PID1: variants seen among roughly 807,000 people sequenced by gnomAD.
PID1 encodes PTB-containing, cubilin and LRP1-interacting protein.
A neutral mutation model predicts 19.1 loss-of-function variants in PID1; 10 were observed. That is an observed-to-expected ratio of 0.52 (90% confidence interval 0.32 to 0.89). PID1 has a LOEUF of 0.89. Among genes scored for constraint, PID1 ranks in the 40% least tolerant of loss-of-function variants. The probability of loss-of-function intolerance (pLI) is 0.03; values close to 1 mark genes in which losing one functional copy is unlikely to be tolerated. For missense variants in PID1, 248 were observed against 285.3 expected, an observed-to-expected ratio of 0.87 and a Z score of 0.94; for synonymous variants, 130 against 116.0, an observed-to-expected ratio of 1.12 and a Z score of -0.78.
At position 229,262,644 on chromosome 2, in the gene PID1, A is replaced by T. The variant is rs778775772; in HGVS notation, c.30+8370T>A. ...AGGGCTGTTGTAACAAATAACCATA[A>T]ACTGGGTAGCTTAAAACAACAGAAA... On this transcript the variant is annotated intron_variant, in intron 1 of 2. Transcript: ENST00000392055. 4.1e-5 allele frequency: 64 copies of T among 1,547,504 alleles called. No homozygotes were observed. The Middle Eastern group carries it at 6.7e-4, about 16-fold the overall frequency.
chr2:229,031,465 A>G (rs1253149707), intron 2 of PID1, among the ~76,000 whole-genome samples: 1 of 151,858 alleles, frequency 6.6e-6, no homozygotes, highest in Non-Finnish European at 1.5e-5. Flanking sequence ...GCTGAGCAGG[A>G]GAACTGCTTG....
At chr2:229,217,854 T>G (rs955703011) in intron 1 of PID1, among the ~76,000 whole-genome samples, 9 of 152,124 alleles carry the variant, frequency 5.9e-5, no homozygotes, top group Admixed American at 3.3e-4. Flanking sequence ...TGCTTAATCT[T>G]CTCCTCACGC....
intron 2 of PID1, among the ~76,000 whole-genome samples, chr2:229,111,091 G>A (rs949264124): frequency 6.6e-6 from 1 of 152,174 alleles, no homozygotes; most frequent in Admixed American, 6.5e-5. Flanking sequence ...CTTATCTGCT[G>A]CCATGGAAGA....
At chr2:229,232,538 C>T (rs1307495383) in intron 1 of PID1, among the ~76,000 whole-genome samples, 1 of 150,330 alleles carries the variant, frequency 6.7e-6, no homozygotes, top group Non-Finnish European at 1.5e-5. Flanking sequence ...TATAGCACTC[C>T]TCAACCACGT....
At position 229,164,303 on chromosome 2, in the gene PID1, T is replaced by TG. The variant is rs529689892; in HGVS notation, c.31-8340dup. On this transcript the variant is annotated intron_variant, in intron 1 of 2. Transcript: ENST00000392055. ...ACAGAACAAAAATTTCACCTACTCA[T>TG]GAAAAAAAAAAAATTCAAGTATAGC... Among the ~76,000 whole-genome samples, 17 of 150,126 alleles carry TG rather than the reference T, an allele frequency of 1.1e-4. No individual in the cohort carries two copies. In the East Asian group the frequency reaches 2.5e-3, roughly 22 times the overall value.
At chr2:229,256,423 A>C (rs1256533688) in intron 1 of PID1, among the ~76,000 whole-genome samples, 3 of 152,200 alleles carry the variant, frequency 2.0e-5, no homozygotes, top group Non-Finnish European at 4.4e-5. Context: ...CAGTTTGTCA[A>C]CCTAAAGGAG....
intron 2 of PID1, among the ~76,000 whole-genome samples, chr2:229,145,147 A>ATG (rs560967818): frequency 1.7e-5 from 2 of 116,654 alleles, no homozygotes; most frequent in African/African-American, 3.2e-5. Context: ...GTTTAAATAT[A>ATG]TGTATGTGTA....
intron 2 of PID1, among the ~76,000 whole-genome samples, chr2:229,150,229 CAAA>C (rs11309150): frequency 3.1e-4 from 38 of 122,988 alleles, no homozygotes; most frequent in Admixed American, 4.1e-4. Context: ...GAGTGAGACT[CAAA>C]AAAAAAAAAA....
intron 2 of PID1, among the ~76,000 whole-genome samples, chr2:229,135,668 C>A (rs186730007): frequency 8.5e-5 from 13 of 152,242 alleles, no homozygotes; most frequent in African/African-American, 3.1e-4. Flanking sequence ...ATCCAGTTAT[C>A]CAAAACAGCG....
intron 2 of PID1, among the ~76,000 whole-genome samples, chr2:229,095,487 C>T (rs988600339): frequency 2.0e-5 from 3 of 152,136 alleles, no homozygotes; most frequent in Non-Finnish European, 2.9e-5. Context: ...TTTTAAATTG[C>T]TTTCTATGCA....
rs181972151 is a variant in PID1, at chr2:229,107,566, C to T, written c.177+48252G>A. ...AGGATGCAGCACGTCTTGTTTATGTCACATAAACTTGCCTAGACTACAAAA... is the reference window on the plus strand; with the variant it reads ...AGGATGCAGCACGTCTTGTTTATGTTACATAAACTTGCCTAGACTACAAAA... On this transcript the variant is annotated intron_variant, in intron 2 of 2. Transcript: ENST00000392055. Among the ~76,000 whole-genome samples the T allele has an allele frequency of 2.1e-4, 32 of 150,856 alleles. No individual in the cohort carries two copies. In the East Asian group the frequency reaches 6.0e-3, roughly 29 times the overall value.
intron 2 of PID1, among the ~76,000 whole-genome samples, chr2:229,103,976 T>G (rs542611681): frequency 2.6e-4 from 40 of 152,360 alleles, no homozygotes; most frequent in African/African-American, 8.9e-4. Context: ...AACAAGATGC[T>G]TCTTATTAGG....
intron 1 of PID1, among the ~76,000 whole-genome samples, chr2:229,209,408 A>C (rs769080772): frequency 3.3e-4 from 50 of 152,222 alleles, no homozygotes; most frequent in Non-Finnish European, 6.3e-4. Flanking sequence ...AGCAGAAAGA[A>C]CATCTGCCTC....
Position 229,232,515 on chromosome 2 carries a change from G to C in PID1, c.30+38499C>G, listed in dbSNP as rs532246462. 2.0e-5 allele frequency among the ~76,000 whole-genome samples: 3 copies of C among 150,426 alleles called. No individual in the cohort carries two copies. The East Asian group carries it at 5.9e-4, about 29-fold the overall frequency. On this transcript the variant is annotated intron_variant, in intron 1 of 2. Transcript: ENST00000392055. ...GTTTCAACATCTGAATTTTGGAGGGGACACATTTAAACTATAGCACTCCTC... is the reference window on the plus strand; with the variant it reads ...GTTTCAACATCTGAATTTTGGAGGGCACACATTTAAACTATAGCACTCCTC...
At chr2:229,139,146 A>AAAGAAAGAAAGAAAGAAAGAAAGC (rs1293626727) in intron 2 of PID1, among the ~76,000 whole-genome samples, 8 of 109,026 alleles carry the variant, frequency 7.3e-5, no homozygotes, top group African/African-American at 1.8e-4. Flanking sequence ...AGAAAGAAAG[A>AAAGAAAGAAAGAAAGAAAGAAAGC]AAGCAAGCGA....
intron 1 of PID1, among the ~76,000 whole-genome samples, chr2:229,242,373 T>C (rs1011533290): frequency 2.0e-5 from 3 of 152,154 alleles, no homozygotes; most frequent in African/African-American, 7.2e-5. Flanking sequence ...ATAGCTTAGT[T>C]ATAGGTCCAA....
rs542264088 is a variant in PID1 at position 229,237,975 on chromosome 2, T to C, written c.30+33039A>G. 9.2e-5 allele frequency among the ~76,000 whole-genome samples: 14 copies of C among 152,310 alleles called. 1 individual carries two copies. The highest frequency in any genetic ancestry group is 1.5e-5 in the Non-Finnish European group (1 of 68,014). The stretch of plus-strand genomic sequence containing the variant: ...CCTCTACTAAATGAAATCTACATGG[T>C]AGAAAAAGTGGAGCTAGTATCAAAC... On this transcript the variant is annotated intron_variant, in intron 1 of 2. Coordinates refer to ENST00000392055, the MANE Select transcript of PID1 (RefSeq NM_001100818.2).
chr2:229,200,838 G>A (rs1691483806), intron 1 of PID1, among the ~76,000 whole-genome samples: 1 of 152,082 alleles, frequency 6.6e-6, no homozygotes, highest in Non-Finnish European at 1.5e-5. Context: ...AGTCAAATGA[G>A]CAGGTCACAA....
At chr2:229,244,989 G>A (rs1337756490) in intron 1 of PID1, 1 of 152,126 alleles carries the variant, frequency 6.6e-6, no homozygotes, top group Non-Finnish European at 1.5e-5. Context: ...GAAAGGGAGC[G>A]TTACTTGCTT....
Sources: gnomAD v4.1 joint callset for allele counts (sites outside exome capture counted in the v4.1 genomes callset) on GRCh38, gnomAD v4.1.1 for gene constraint, MANE v1.5 for transcripts, NCBI Gene and HGNC (gene_info 2026-07-23, HGNC 2026-07-21) for gene names.